DLGAP2: variants seen among roughly 807,000 people sequenced by gnomAD.
The protein encoded by DLGAP2 is disks large-associated protein 2.
A neutral mutation model predicts 100.3 loss-of-function variants in DLGAP2; 26 were observed. The observed-to-expected ratio is 0.26, with a 90% CI of 0.19 to 0.36. The LOEUF (loss-of-function observed/expected upper bound fraction) is 0.36, where lower values mean the gene tolerates loss of function less well. Among genes scored for constraint, DLGAP2 ranks in the 10% least tolerant of loss-of-function variants. The pLI is 1.00. For synonymous variants in DLGAP2, 886 were observed against 630.1 expected, an observed-to-expected ratio of 1.41 and a Z score of -6.08; for missense variants, 1,858 against 1,453.2, an observed-to-expected ratio of 1.28 and a Z score of -4.53.
chr8:843,158 A>G (rs559056806), intron 1 of DLGAP2, among the ~76,000 whole-genome samples: 10 of 152,320 alleles, frequency 6.6e-5, no homozygotes, highest in African/African-American at 2.2e-4. Flanking sequence ...ATCTTAATGT[A>G]GGTGAACTTT....
intron 3 of DLGAP2, among the ~76,000 whole-genome samples, chr8:1,489,081 C>G (rs932975492): frequency 2.0e-5 from 3 of 152,204 alleles, no homozygotes; most frequent in Admixed American, 6.5e-5. Flanking sequence ...TCACCCTGTT[C>G]AGATTCTTCC....
intron 6 of DLGAP2, among the ~76,000 whole-genome samples, chr8:1,598,625 C>G (rs914972129): frequency 6.6e-6 from 1 of 152,120 alleles, no homozygotes; most frequent in Non-Finnish European, 1.5e-5. Context: ...GTATCAGTTT[C>G]TTCTAGATTT....
At chr8:932,179 C>A (rs1186937236) in intron 2 of DLGAP2, among the ~76,000 whole-genome samples, 1 of 152,196 alleles carries the variant, frequency 6.6e-6, no homozygotes, top group Non-Finnish European at 1.5e-5. Flanking sequence ...TTCCCTCTCA[C>A]CTTTGGCCTC....
rs557605572 is a variant in DLGAP2 at position 867,518 on chromosome 8, T to C, written c.19-40394T>C. 2.0e-5 allele frequency among the ~76,000 whole-genome samples: 3 copies of C among 152,304 alleles called. No homozygotes were observed. The South Asian group carries it at 6.2e-4, about 32-fold the overall frequency. Reference sequence around the variant, plus strand: ...AACAAAAGGGGAACAGTGTTGTGATTATGTCATTACGTGGCTTTCTCTATG... The same window carrying C: ...AACAAAAGGGGAACAGTGTTGTGATCATGTCATTACGTGGCTTTCTCTATG... On this transcript the variant is annotated intron_variant, in intron 1 of 14. Transcript: ENST00000637795.
At chr8:741,346 G>A (rs1236309075) in intron 1 of DLGAP2, among the ~76,000 whole-genome samples, 1 of 152,206 alleles carries the variant, frequency 6.6e-6, no homozygotes, top group Non-Finnish European at 1.5e-5. Context: ...AGCAAAGGCA[G>A]TAGGAGCTCA....
At chr8:1,592,492 C>T (rs964541968) in intron 6 of DLGAP2, among the ~76,000 whole-genome samples, 1 of 152,028 alleles carries the variant, frequency 6.6e-6, no homozygotes, top group African/African-American at 2.4e-5. Context: ...CCCCCTGAAG[C>T]TCTGGAAAGC....
chr8:1,533,204 G>A (rs1177416814), intron 4 of DLGAP2, among the ~76,000 whole-genome samples: 1 of 151,776 alleles, frequency 6.6e-6, no homozygotes, highest in Non-Finnish European at 1.5e-5. Flanking sequence ...TTGATTTTTA[G>A]AATATGTTTT....
At chr8:1,495,020 C>T (rs565881938) in intron 3 of DLGAP2, among the ~76,000 whole-genome samples, 2 of 152,182 alleles carry the variant, frequency 1.3e-5, no homozygotes, top group African/African-American at 2.4e-5. Flanking sequence ...AATCCTCATA[C>T]GTGCCATTTT....
At chr8:1,334,738 T>C (rs1801233447) in intron 3 of DLGAP2, among the ~76,000 whole-genome samples, 1 of 151,596 alleles carries the variant, frequency 6.6e-6, no homozygotes. Flanking sequence ...TAGCACCACA[T>C]GGAAGCTATT....
chr8:779,021 G>C (rs981595355), intron 1 of DLGAP2, among the ~76,000 whole-genome samples: 6 of 152,268 alleles, frequency 3.9e-5, no homozygotes, highest in Non-Finnish European at 5.9e-5. Flanking sequence ...CTCTGAGCCA[G>C]GTGCAGGATA....
chr8:872,781 C>T (rs1478342141), intron 1 of DLGAP2, among the ~76,000 whole-genome samples: 1 of 152,120 alleles, frequency 6.6e-6, no homozygotes, highest in Non-Finnish European at 1.5e-5. Flanking sequence ...CTCTCCTCAC[C>T]CAAAATTGAA....
At chr8:1,352,721 C>T (rs764574999) in intron 3 of DLGAP2, among the ~76,000 whole-genome samples, 8 of 152,168 alleles carry the variant, frequency 5.3e-5, no homozygotes, top group Non-Finnish European at 8.8e-5. Context: ...CTGAGTTTTA[C>T]AGCTCGCTGT....
chr8:1,229,298 A>G (rs189069334), intron 2 of DLGAP2, among the ~76,000 whole-genome samples: 131 of 152,214 alleles, frequency 8.6e-4, no homozygotes, highest in African/African-American at 3.0e-3. Flanking sequence ...TAGTTTTAGA[A>G]TCGGAATCAG....
intron 3 of DLGAP2, among the ~76,000 whole-genome samples, chr8:1,458,493 A>G (rs79951322): frequency 0.076 from 11,553 of 152,224 alleles, 691 homozygotes; most frequent in East Asian, 0.27. Context: ...CTATGGTTCA[A>G]CCTGACATAT....
At chr8:1,059,405 G>T (rs56176242) in intron 2 of DLGAP2, among the ~76,000 whole-genome samples, 9,464 of 152,144 alleles carry the variant, frequency 0.062, 955 homozygotes, top group African/African-American at 0.22. Context: ...TGAGCCCGAA[G>T]GCTTGGGCTC....
At chr8:1,360,914 C>A (rs563463407) in intron 3 of DLGAP2, among the ~76,000 whole-genome samples, 2 of 152,214 alleles carry the variant, frequency 1.3e-5, no homozygotes, top group Non-Finnish European at 2.9e-5. Flanking sequence ...CACGGTTTCT[C>A]GCCTCTCATC....
chr8:895,199 T>A (rs909753330), intron 1 of DLGAP2, among the ~76,000 whole-genome samples: 1 of 152,016 alleles, frequency 6.6e-6, no homozygotes, highest in Non-Finnish European at 1.5e-5. Flanking sequence ...TGGTAAATCC[T>A]TGAGGTGATG....
intron 2 of DLGAP2, among the ~76,000 whole-genome samples, chr8:1,230,706 C>T (rs975281340): frequency 6.6e-6 from 1 of 152,148 alleles, no homozygotes; most frequent in Non-Finnish European, 1.5e-5. Context: ...TGAACCCATA[C>T]AGCTAAAGTC....
At chr8:785,298 G>T (rs1211066430) in intron 1 of DLGAP2, among the ~76,000 whole-genome samples, 2 of 146,012 alleles carry the variant, frequency 1.4e-5, no homozygotes, top group African/African-American at 5.1e-5. Flanking sequence ...CCATGCTTGA[G>T]CCAAAGCTCT....
Sources: allele counts gnomAD v4.1 joint callset (sites outside exome capture counted in the v4.1 genomes callset), GRCh38; gene constraint gnomAD v4.1.1; transcripts MANE v1.5; gene names NCBI Gene and HGNC (gene_info 2026-07-23, HGNC 2026-07-21).